HOOK2: variants seen among roughly 807,000 people sequenced by gnomAD.
HOOK2 encodes protein Hook homolog 2.
A neutral mutation model predicts 111.9 loss-of-function variants in HOOK2; 108 were observed. That is an observed-to-expected ratio of 0.96 (90% confidence interval 0.83 to 1.13). HOOK2 has a LOEUF of 1.13. HOOK2 is among the 50% of genes most tolerant of loss of function. HOOK2 has a pLI of 0.00. For synonymous variants in HOOK2, 405 were observed against 394.3 expected (o/e 1.03, Z -0.32); for missense variants, 978 against 951.3 (o/e 1.03, Z -0.37).
At position 12,763,207 on chromosome 19, in the gene HOOK2, C is replaced by G. The variant is rs141137946; in HGVS notation, c.*75G>C. ...AAAGCTCTCGAGCACCTGGCTGAAG[C>G]CCAGTGCTGGGCGCCATGTGAGCTG... On this transcript the variant is annotated 3_prime_UTR_variant, in exon 23 of 23. Coordinates refer to ENST00000397668, the MANE Select transcript of HOOK2 (RefSeq NM_013312.3). 24 of 1,534,250 alleles carry G rather than the reference C, an allele frequency of 1.6e-5. No homozygotes were observed. The African/African-American group carries it at 2.6e-4, about 17-fold the overall frequency.
intron 3 of HOOK2, chr19:12,773,904 C>T (rs1334426105): frequency 1.3e-5 from 2 of 153,024 alleles, no homozygotes; most frequent in African/African-American, 4.8e-5. Flanking sequence ...CTCCATCACA[C>T]CAAGTTTATT....
chr19:12,791,655 C>A lies in HOOK2; in HGVS notation n.42-17430G>T. 2.8e-6 allele frequency: 2 copies of A among 718,034 alleles called. No individual in the cohort carries two copies. Among genetic ancestry groups the A allele is most frequent in the Non-Finnish European group, 4.2e-6 (2 of 471,120 alleles). The allele number at this position is 718,034 out of a possible 1,614,324, so 44.5% of individuals were successfully genotyped here. ...GCTGCTACCCGCCCGCGCCAGCCCC[C>A]GAGAACGCGCGACCAGGCACCCAGT... On this transcript the variant is annotated intron_variant and non_coding_transcript_variant, in intron 3 of 3. Coordinates refer to the HOOK2 transcript ENST00000589765. The surrounding 1 kb of genome is among the most constrained non-coding windows in gnomAD (Gnocchi z 7.0).
At chr19:12,775,351 C>T (rs1968469370) in intron 1 of HOOK2, 54 bp downstream of exon 1, 1 of 1,592,332 alleles carries the variant, frequency 6.3e-7, no homozygotes, top group Non-Finnish European at 8.5e-7. Context: ...GGCCAGGGAT[C>T]CCGGGCAAGA....
Position 12,790,970 on chromosome 19 carries a change from G to A in HOOK2, n.42-16745C>T, listed in dbSNP as rs569913568. On this transcript the variant is annotated intron_variant and non_coding_transcript_variant, in intron 3 of 3. Transcript: ENST00000589765. The surrounding 1 kb of genome is among the most constrained non-coding windows in gnomAD (Gnocchi z 7.2). ...AAATTCCAGTCCCGCATCCTTCTGA[G>A]CCCGGGACCCCCAGTCAATTCCTGG... Among the ~76,000 whole-genome samples, 3 of 152,218 alleles carry A rather than the reference G, an allele frequency of 2.0e-5. No individual in the cohort carries two copies. The highest frequency in any genetic ancestry group is 3.9e-4 in the East Asian group (2 of 5,172).
At position 12,763,432 on chromosome 19, in the gene HOOK2, C is replaced by T. The variant is rs137907268; in HGVS notation, c.2011-1G>A. 6.2e-7 allele frequency: 1 copy of T among 1,613,738 alleles called. No homozygotes were observed. Among genetic ancestry groups the T allele is most frequent in the Non-Finnish European group, 8.5e-7 (1 of 1,179,820 alleles). ...CAGCTCGCTGCTGCAAGGCCATGCCCTTCAGGAGGAGGTGTGGTTGGGGTC... is the reference window on the plus strand; with the variant it reads ...CAGCTCGCTGCTGCAAGGCCATGCCTTTCAGGAGGAGGTGTGGTTGGGGTC... On this transcript the variant is annotated splice_acceptor_variant, in intron 22 of 22. Transcript: ENST00000397668. LOFTEE classifies it high-confidence loss of function.
At chr19:12,767,987 C>T (rs759173365) in intron 12 of HOOK2, 26 bp downstream of exon 12, 1 of 1,612,414 alleles carries the variant, frequency 6.2e-7, no homozygotes, top group Admixed American at 1.7e-5. Context: ...CAGGGTGGGG[C>T]TTGGGCAGTG....
Position 12,791,809 on chromosome 19 carries a change from A to G in HOOK2, n.42-17584T>C, listed in dbSNP as rs754548911. 12 of 1,612,756 alleles carry G rather than the reference A, an allele frequency of 7.4e-6. No homozygotes were observed. The highest frequency in any genetic ancestry group is 8.5e-7 in the Non-Finnish European group (1 of 1,179,464). On this transcript the variant is annotated intron_variant and non_coding_transcript_variant, in intron 3 of 3. Coordinates refer to the HOOK2 transcript ENST00000589765. This position sits in a 1 kb window ranked among gnomAD's most constrained non-coding sequence, Gnocchi z 7.0. ...ATGGAACAGCCCTTCTACCACGACG[A>G]CTCATACACAGCTACGGGATACGGC...
chr19:12,764,873 CCTT>C lies in HOOK2; in HGVS notation c.1765_1767del (p.Lys589del), dbSNP rs781149981. 6.8e-6 allele frequency: 11 copies of C among 1,614,168 alleles called. No individual in the cohort carries two copies. Among genetic ancestry groups the C allele is most frequent in the Admixed American group, 1.7e-5 (1 of 60,028 alleles). On this transcript the variant is annotated inframe_deletion, in exon 20 of 23. Transcript: ENST00000397668. ...TCCTCCATGGCCCGCAAGTCCGCGT[CCTT>C]CTTCTGCAAGTTATGCTGCAGCTCC...
intron 8 of HOOK2, 39 bp from the exon 9 acceptor site, chr19:12,771,358 G>C (rs758578858): frequency 6.2e-7 from 1 of 1,608,680 alleles, no homozygotes; most frequent in East Asian, 2.2e-5. Context: ...GGCTTGGAGA[G>C]GGGCTACTCA....
chr19:12,774,352 C>A, intron 3 of HOOK2: 2 of 409,032 alleles, frequency 4.9e-6, no homozygotes, highest in Non-Finnish European at 9.2e-6. Context: ...GTGATCCACC[C>A]ACTTTAGCCT....
In HOOK2 at chr19:12,764,207, G is replaced by C. The variant is rs529356282; in HGVS notation, c.1828-429C>G. ...TTTTTCTATTTTTCGTAGAGACGGG[G>C]TTTCGCCATGTTGGCCAGGCTGCTC... On this transcript the variant is annotated intron_variant, in intron 20 of 22. Coordinates refer to ENST00000397668, the MANE Select transcript of HOOK2 (RefSeq NM_013312.3). 2 of 169,354 alleles carry C rather than the reference G, an allele frequency of 1.2e-5. 1 individual carries two copies. The highest frequency in any genetic ancestry group is 2.7e-4 in the South Asian group (2 of 7,476). The allele number at this position is 169,354 out of a possible 1,614,324, so 10.5% of individuals were successfully genotyped here.
upstream of HOOK2, among the ~76,000 whole-genome samples, chr19:12,777,737 C>T (rs150837590): frequency 4.6e-5 from 7 of 152,370 alleles, no homozygotes; most frequent in East Asian, 1.3e-3. Context: ...CCCGGGCCCA[C>T]CAGGGGGCGC....
intron 7 of HOOK2, 64 bp from the exon 8 acceptor site, chr19:12,771,541 A>G: frequency 7.2e-7 from 1 of 1,388,742 alleles, no homozygotes; most frequent in South Asian, 1.2e-5. Flanking sequence ...AGGGAGGCTG[A>G]GATCTCTAGA....
At chr19:12,770,892 C>T in intron 10 of HOOK2, 40 bp downstream of exon 10, 1 of 1,565,870 alleles carries the variant, frequency 6.4e-7, no homozygotes, top group Non-Finnish European at 8.7e-7. Flanking sequence ...AGGTTTACCC[C>T]CCGCCCCCCG....
rs940975949 is a variant in HOOK2 at position 12,790,198 on chromosome 19, C to G, written n.42-15973G>C. On this transcript the variant is annotated intron_variant and non_coding_transcript_variant, in intron 3 of 3. Transcript: ENST00000589765. The surrounding 1 kb of genome is among the most constrained non-coding windows in gnomAD (Gnocchi z 7.2). ...CTGGGCGGGCTCCAAGCACCCGGGC[C>G]TCCGCGGGGGCTCGCACGCCCAGGT... is the stretch of plus-strand genomic sequence containing the variant. Among the ~76,000 whole-genome samples, 1 of 152,208 alleles carries G rather than the reference C, an allele frequency of 6.6e-6. No individual in the cohort carries two copies. The highest frequency in any genetic ancestry group is 1.5e-5 in the Non-Finnish European group (1 of 68,036).
upstream of HOOK2, among the ~76,000 whole-genome samples, chr19:12,778,094 G>T (rs1568377333): frequency 1.3e-5 from 2 of 152,162 alleles, no homozygotes; most frequent in Non-Finnish European, 2.9e-5. Context: ...CCCGGTAGAC[G>T]GGCGGGGTAA....
At position 12,786,196 on chromosome 19, in the gene HOOK2, C is replaced by T. The variant is rs1406967362; in HGVS notation, n.42-11971G>A. ...GCCAGGAGTTCCTGGGGGAGGGCTC[C>T]TGCCGGGCCTCAGATCCACACCCAG... On this transcript the variant is annotated intron_variant and non_coding_transcript_variant, in intron 3 of 3. Transcript: ENST00000589765. The surrounding 1 kb of genome is among the most constrained non-coding windows in gnomAD (Gnocchi z 4.3). Among the ~76,000 whole-genome samples, 1 of 152,046 alleles carries T rather than the reference C, an allele frequency of 6.6e-6. No homozygotes were observed. The highest frequency in any genetic ancestry group is 1.5e-5 in the Non-Finnish European group (1 of 67,976).
chr19:12,768,124 C>T lies in HOOK2; in HGVS notation c.1105-1G>A. 6.2e-7 allele frequency: 1 copy of T among 1,613,454 alleles called. No individual in the cohort carries two copies. Among genetic ancestry groups the T allele is most frequent in the Non-Finnish European group, 8.5e-7 (1 of 1,179,472 alleles). ...GCCGCTGGCCCTGCAGTTCCTGCAC[C>T]TGAACACAGAGAGGGGAGGAATAAG... On this transcript the variant is annotated splice_acceptor_variant, in intron 11 of 22. Transcript: ENST00000397668. LOFTEE classifies it high-confidence loss of function.
Position 12,775,332 on chromosome 19 carries a change from C to T in HOOK2, c.45+73G>A. On this transcript the variant is annotated intron_variant, in intron 1 of 22. Transcript: ENST00000397668. ...CCCAGCCCCAGCACCAAGAGACTGACCGAACCAGGGCCAGGGATCCCGGGC... is the reference window on the plus strand; with the variant it reads ...CCCAGCCCCAGCACCAAGAGACTGATCGAACCAGGGCCAGGGATCCCGGGC... 2.5e-6 allele frequency: 4 copies of T among 1,570,664 alleles called. No individual in the cohort carries two copies. In the Admixed American group the frequency reaches 7.4e-5, roughly 29 times the overall value.
Sources: gnomAD v4.1 joint callset for allele counts (sites outside exome capture counted in the v4.1 genomes callset) on GRCh38, gnomAD v4.1.1 for gene constraint, Gnocchi (gnomAD v3.1) non-coding constraint, MANE v1.5 for transcripts, NCBI Gene and HGNC (gene_info 2026-07-23, HGNC 2026-07-21) for gene names.